BCL9: variants seen among roughly 807,000 people sequenced by gnomAD.
BCL9 encodes the protein BCL9 transcription coactivator, also known as B-cell CLL/lymphoma 9 protein.
BCL9 carries 25 observed loss-of-function variants against 88.5 expected under a neutral mutation model. The observed-to-expected ratio is 0.28, with a 90% CI of 0.21 to 0.39. The LOEUF (loss-of-function observed/expected upper bound fraction) is 0.39. Ranked by LOEUF, BCL9 falls within the 10% of genes least tolerant of loss-of-function variation. BCL9 has a pLI of 1.00. For missense variants in BCL9, 1,817 were observed against 1,877.8 expected (o/e 0.97, Z 0.60); for synonymous variants, 711 against 673.3 (o/e 1.06, Z -0.87).
intron 1 of BCL9, among the ~76,000 whole-genome samples, chr1:147,596,079 T>A (rs1430371842): frequency 2.6e-5 from 4 of 152,200 alleles, no homozygotes; most frequent in Non-Finnish European, 5.9e-5. Context: ...TGACTCTGAT[T>A]CTCAAGTTGT....
chr1:147,580,923 A>C (rs1261710596), intron 1 of BCL9, among the ~76,000 whole-genome samples: 1 of 152,184 alleles, frequency 6.6e-6, no homozygotes, highest in Non-Finnish European at 1.5e-5. Context: ...AAAGTGAAAA[A>C]AACTGGGGCT....
At chr1:147,601,162 GA>G (rs1256529005) in intron 1 of BCL9, among the ~76,000 whole-genome samples, 1 of 152,018 alleles carries the variant, frequency 6.6e-6, no homozygotes, top group Non-Finnish European at 1.5e-5. Context: ...GAGGGGGAAG[GA>G]AAAATGGGTT....
intron 1 of BCL9, among the ~76,000 whole-genome samples, chr1:147,587,321 T>C (rs1459035654): frequency 6.6e-6 from 1 of 152,140 alleles, no homozygotes; most frequent in Non-Finnish European, 1.5e-5. Flanking sequence ...TCTGAGGACC[T>C]AGCCCGGAGT....
At chr1:147,569,787 T>G (rs145166970) in intron 1 of BCL9, among the ~76,000 whole-genome samples, 6 of 152,188 alleles carry the variant, frequency 3.9e-5, no homozygotes, top group African/African-American at 1.4e-4. Context: ...CCGATGGCAG[T>G]GAGAAAGAGG....
intron 9 of BCL9, among the ~76,000 whole-genome samples, chr1:147,623,263 A>T (rs1229650622): frequency 7.4e-5 from 1 of 13,496 alleles, no homozygotes; most frequent in Non-Finnish European, 1.3e-4. Flanking sequence ...TGGTAATTCC[A>T]ACAGAGACAC....
intron 1 of BCL9, among the ~76,000 whole-genome samples, chr1:147,571,626 TC>T (rs1189559600): frequency 6.6e-6 from 1 of 151,976 alleles, no homozygotes; most frequent in Non-Finnish European, 1.5e-5. Flanking sequence ...TGTATCCCAC[TC>T]CCATTTTCCT....
At chr1:147,561,123 A>C (rs782039555) in intron 1 of BCL9, among the ~76,000 whole-genome samples, 1 of 152,250 alleles carries the variant, frequency 6.6e-6, no homozygotes, top group African/African-American at 2.4e-5. Context: ...GTAAACCCCA[A>C]CACACACTTT....
chr1:147,610,176 CAA>C (rs782360371), intron 3 of BCL9, among the ~76,000 whole-genome samples: 1 of 147,644 alleles, frequency 6.8e-6, no homozygotes, highest in Non-Finnish European at 1.5e-5. Context: ...TAGTCTAAAC[CAA>C]AAAAAAAAAG....
chr1:147,596,371 A>G (rs921147077), intron 1 of BCL9, among the ~76,000 whole-genome samples: 3 of 151,580 alleles, frequency 2.0e-5, no homozygotes, highest in Admixed American at 6.6e-5. Flanking sequence ...GGGGCACAGC[A>G]CTATGAAAGT....
chr1:147,577,358 G>A (rs1275161575), intron 1 of BCL9, among the ~76,000 whole-genome samples: 1 of 152,096 alleles, frequency 6.6e-6, no homozygotes, highest in Non-Finnish European at 1.5e-5. Flanking sequence ...CAGTCCCTGT[G>A]GCTTTTCTTT....
chr1:147,624,286 CCTT>C lies in BCL9; in HGVS notation c.3610_3612del (p.Phe1204del). On this transcript the variant is annotated inframe_deletion, in exon 10 of 10. Coordinates refer to ENST00000234739, the MANE Select transcript of BCL9 (RefSeq NM_004326.4). This position sits in a 1 kb window ranked among gnomAD's most constrained non-coding sequence, Gnocchi z 4.4. ...CCTGGAGGCCCCGGGGGTCCTGACT[CCTT>C]CACTGTCCTGGGGAACAGCATGCCT... is the stretch of plus-strand genomic sequence containing the variant. The C allele has an allele frequency of 6.2e-7, 1 of 1,614,080 alleles. No homozygotes were observed. The highest frequency in any genetic ancestry group is 8.5e-7 in the Non-Finnish European group (1 of 1,179,986).
intron 9 of BCL9, among the ~76,000 whole-genome samples, chr1:147,623,558 A>G (rs1238349840): frequency 1.3e-5 from 2 of 152,050 alleles, no homozygotes; most frequent in Non-Finnish European, 2.9e-5. Flanking sequence ...GGAAGGCGAA[A>G]CTCATTTGTG....
intron 7 of BCL9, among the ~76,000 whole-genome samples, chr1:147,616,835 T>TA (rs1311344345): frequency 6.6e-6 from 1 of 151,684 alleles, no homozygotes. Flanking sequence ...AACCAAAAGA[T>TA]ACTTCTTGTA....
chr1:147,558,679 C>T (rs141150069), intron 1 of BCL9, among the ~76,000 whole-genome samples: 17 of 152,212 alleles, frequency 1.1e-4, no homozygotes, highest in African/African-American at 3.9e-4. Flanking sequence ...TGAGCGTCCC[C>T]CGAAGACTTC....
chr1:147,556,259 C>T (rs1454140269), intron 1 of BCL9, among the ~76,000 whole-genome samples: 1 of 148,218 alleles, frequency 6.7e-6, no homozygotes, highest in East Asian at 2.0e-4. Context: ...GCTGGGATTA[C>T]AGGAGCCCGC....
Position 147,612,906 on chromosome 1 carries a change from T to C in BCL9, c.77T>C (p.Val26Ala). 13 of 1,613,816 alleles carry C rather than the reference T, an allele frequency of 8.1e-6. No homozygotes were observed. The highest frequency in any genetic ancestry group is 1.1e-5 in the Non-Finnish European group (13 of 1,179,888). ...AGTAGCCCTAAGTCAAAGCAGGAGG[T>C]GATGGTCCGTCCCCCTACAGTGATG... is the stretch of plus-strand genomic sequence containing the variant. ...TQSSPKSKQE[V>A]MVRPPTVMSP... Residue 26 changes from valine to alanine, a missense_variant, in exon 5 of 10, where the codon GTG (valine) becomes GCG (alanine). By Grantham distance (64) the Val-to-Ala change is moderately conservative. Transcript: ENST00000234739.
chr1:147,602,802 T>C (rs1657468585), intron 1 of BCL9, among the ~76,000 whole-genome samples: 1 of 151,742 alleles, frequency 6.6e-6, no homozygotes, highest in Non-Finnish European at 1.5e-5. Context: ...AATGCTCTCT[T>C]GTTTGTGGGG....
intron 1 of BCL9, among the ~76,000 whole-genome samples, chr1:147,555,662 C>T (rs587665878): frequency 1.3e-5 from 2 of 152,294 alleles, no homozygotes; most frequent in Non-Finnish European, 1.5e-5. Context: ...TTCTGAGTCT[C>T]GTTTCTTACA....
intron 1 of BCL9, among the ~76,000 whole-genome samples, chr1:147,599,031 A>G (rs1176599864): frequency 6.6e-6 from 1 of 152,180 alleles, no homozygotes; most frequent in African/African-American, 2.4e-5. Context: ...ACCCCTTCAG[A>G]GCAGAGGTCT....
Sources: allele counts gnomAD v4.1 joint callset (sites outside exome capture counted in the v4.1 genomes callset), GRCh38; gene constraint gnomAD v4.1.1; non-coding constraint Gnocchi (gnomAD v3.1); transcripts MANE v1.5; gene names NCBI Gene and HGNC (gene_info 2026-07-23, HGNC 2026-07-21).